CPNE9: variants seen among roughly 807,000 people sequenced by gnomAD.
The protein encoded by CPNE9 is copine family member 9, also known as copine-9.
In CPNE9, 59 loss-of-function variants were observed where a neutral mutation model predicts 83.0. The observed-to-expected ratio is 0.71, with a 90% CI of 0.58 to 0.88. CPNE9 has a LOEUF of 0.88. Among genes scored for constraint, CPNE9 ranks in the 40% least tolerant of loss-of-function variants. The pLI, the probability that CPNE9 is intolerant of heterozygous loss-of-function variation, is 0.00. For missense variants in CPNE9, 619 were observed against 720.8 expected (o/e 0.86, Z 1.62); for synonymous variants, 256 against 273.4 (o/e 0.94, Z 0.63).
chr3:9,715,589 G>A, intron 13 of CPNE9, 63 bp downstream of exon 13: 2 of 1,404,288 alleles, frequency 1.4e-6, no homozygotes, highest in Non-Finnish European at 2.0e-6. Context: ...CATTGACACA[G>A]CATGGCAAAT....
intron 16 of CPNE9, 37 bp downstream of exon 16, chr3:9,718,247 G>A (rs1054791002): frequency 1.3e-6 from 2 of 1,557,884 alleles, no homozygotes; most frequent in Admixed American, 1.9e-5. Context: ...CCGTGCCCTG[G>A]CATCTGGTTC....
At chr3:9,727,246 G>A in intron 20 of CPNE9, 60 bp downstream of exon 20, 1 of 1,572,354 alleles carries the variant, frequency 6.4e-7, no homozygotes, top group African/African-American at 1.3e-5. Flanking sequence ...AGGCTAAGTT[G>A]GGAGCCACTT....
At chr3:9,711,198 G>T (rs1274733868) in intron 7 of CPNE9, among the ~76,000 whole-genome samples, 1 of 152,004 alleles carries the variant, frequency 6.6e-6, no homozygotes, top group African/African-American at 2.4e-5. Flanking sequence ...GGATGTGCAA[G>T]CGAATTATTT....
chr3:9,707,885 C>T (rs1340419063), intron 7 of CPNE9, among the ~76,000 whole-genome samples: 1 of 150,172 alleles, frequency 6.7e-6, no homozygotes, highest in Non-Finnish European at 1.5e-5. Flanking sequence ...GTTTTATAAA[C>T]ATATAAAATG....
intron 17 of CPNE9, among the ~76,000 whole-genome samples, chr3:9,722,554 A>G (rs1399109101): frequency 1.3e-5 from 2 of 151,836 alleles, no homozygotes; most frequent in African/African-American, 2.4e-5. Context: ...TGTGTCACTC[A>G]GGCTGGAGTG....
At chr3:9,729,194 G>T (rs1175660298) in intron 20 of CPNE9, among the ~76,000 whole-genome samples, 1 of 152,186 alleles carries the variant, frequency 6.6e-6, no homozygotes, top group Non-Finnish European at 1.5e-5. Flanking sequence ...CTAAAGAGAA[G>T]TCAAGCAAGA....
rs550668749 is a variant in CPNE9 at position 9,717,910 on chromosome 3, G to A, written c.932-119G>A. 44 of 770,366 alleles carry A rather than the reference G, an allele frequency of 5.7e-5. No homozygotes were observed. The South Asian group carries it at 7.7e-4, about 14-fold the overall frequency. The allele number at this position is 770,366 out of a possible 1,614,324, so 47.7% of individuals were successfully genotyped here. A position where few individuals can be genotyped will look rare whatever the true frequency, so the allele number is the denominator to read the frequency against. On this transcript the variant is annotated intron_variant, in intron 15 of 20. Transcript: ENST00000383832. ...TGGATGATTGGGTAAAATAAGGAGG[G>A]AGGACATGGGTAGAGGGCAGATAAA...
intron 17 of CPNE9, among the ~76,000 whole-genome samples, chr3:9,721,504 G>A (rs2076733483): frequency 6.6e-6 from 1 of 152,130 alleles, no homozygotes; most frequent in African/African-American, 2.4e-5. Context: ...CCCACTTAGA[G>A]GAGCAGACAG....
rs1054979064 is a variant in CPNE9, at chr3:9,729,874, C to A, written c.*182C>A. ...GCCTGGCACTATCACCACCTCTCTG[C>A]CTTCATGCCAATAATAAAGCTGATC... On this transcript the variant is annotated 3_prime_UTR_variant, in exon 21 of 21. Coordinates refer to ENST00000383832, the MANE Select transcript of CPNE9 (RefSeq NM_153635.3). 14 of 741,096 alleles carry A rather than the reference C, an allele frequency of 1.9e-5. No homozygotes were observed. The highest frequency in any genetic ancestry group is 2.7e-5 in the Non-Finnish European group (13 of 485,854). 45.9% of individuals were successfully genotyped at this position (741,096 alleles called of 1,614,324 possible). A position where few individuals can be genotyped will look rare whatever the true frequency, so the allele number is the denominator to read the frequency against.
chr3:9,709,972 A>G (rs1211951573), intron 7 of CPNE9, among the ~76,000 whole-genome samples: 2 of 150,866 alleles, frequency 1.3e-5, no homozygotes, highest in Non-Finnish European at 3.0e-5. Flanking sequence ...CCTGGGCGAC[A>G]AAGCAAGACT....
At position 9,726,094 on chromosome 3, in the gene CPNE9, A is replaced by G. The variant is rs1369809099; in HGVS notation, c.1344+43A>G. On this transcript the variant is annotated intron_variant, in intron 18 of 20. Transcript: ENST00000383832. The stretch of plus-strand genomic sequence containing the variant: ...GGCTTGGCAGGGAGGAGTAATGTCA[A>G]TACTGTGAAGGGGCTGAGATTTTAT... 3.3e-5 allele frequency: 42 copies of G among 1,271,398 alleles called. No homozygotes were observed. The Admixed American group carries it at 8.8e-4, about 26-fold the overall frequency. The allele number at this position is 1,271,398 out of a possible 1,614,324, so 78.8% of individuals were successfully genotyped here. A position where few individuals can be genotyped will look rare whatever the true frequency, so the allele number is the denominator to read the frequency against.
At chr3:9,713,416 G>C (rs968485387) in intron 10 of CPNE9, among the ~76,000 whole-genome samples, 1 of 152,170 alleles carries the variant, frequency 6.6e-6, no homozygotes, top group African/African-American at 2.4e-5. Flanking sequence ...ATATATGAGT[G>C]AATTGATGGG....
Position 9,712,957 on chromosome 3 carries a change from C to A in CPNE9, c.546-18C>A. 1 of 1,606,816 alleles carries A rather than the reference C, an allele frequency of 6.2e-7. No homozygotes were observed. Among genetic ancestry groups the A allele is most frequent in the Non-Finnish European group, 8.5e-7 (1 of 1,173,360 alleles). On this transcript the variant is annotated intron_variant, in intron 9 of 20. Transcript: ENST00000383832. ...GGGCACGAGATAAATTATACCAATT[C>A]TTCCCACTCCCCTCCAGGTTCACCA...
At chr3:9,727,923 G>A (rs2076798313) in intron 20 of CPNE9, among the ~76,000 whole-genome samples, 2 of 152,136 alleles carry the variant, frequency 1.3e-5, no homozygotes, top group Admixed American at 1.3e-4. Context: ...GAAAGTGGCA[G>A]GTTCAAAAGA....
chr3:9,728,829 A>G (rs962481323), intron 20 of CPNE9, among the ~76,000 whole-genome samples: 5 of 150,352 alleles, frequency 3.3e-5, no homozygotes, highest in Admixed American at 6.6e-5. Context: ...CCCTTCTCAC[A>G]GACTCCTCCT....
chr3:9,727,494 G>A, intron 20 of CPNE9: 1 of 698,990 alleles, frequency 1.4e-6, no homozygotes. Context: ...AATAGCAAAT[G>A]CCACTGTGAG....
intron 7 of CPNE9, among the ~76,000 whole-genome samples, chr3:9,708,115 T>A (rs1354843058): frequency 6.6e-6 from 1 of 152,154 alleles, no homozygotes; most frequent in Non-Finnish European, 1.5e-5. Flanking sequence ...CCCAGCTAAT[T>A]TTTAAATTAT....
rs1213979191 is a variant in CPNE9 at position 9,712,526 on chromosome 3, T to C, written c.378-15T>C. 6.2e-7 allele frequency: 1 copy of C among 1,612,796 alleles called. No individual in the cohort carries two copies. Among genetic ancestry groups the C allele is most frequent in the Non-Finnish European group, 8.5e-7 (1 of 1,178,796 alleles). On this transcript the variant is annotated splice_polypyrimidine_tract_variant and intron_variant, in intron 7 of 20. Transcript: ENST00000383832. The stretch of plus-strand genomic sequence containing the variant: ...ACCCTCCCTCCTCTCACTAAGAGGC[T>C]TTTTCTGCTTCCAGGGGTGTACCAG...
At position 9,718,597 on chromosome 3, in the gene CPNE9, G is replaced by A; in HGVS notation, c.1236G>A (p.Val412=). The change falls in exon 17 of 21, where the codon GTG becomes GTA. Residue 412 remains valine (V), a synonymous_variant. Coordinates refer to ENST00000383832, the MANE Select transcript of CPNE9 (RefSeq NM_153635.3). ...ACTTTGCTCCTGTCATCAACCAAGT[G>A]GCCAGGTAAGGGAACTGGGTGGAAG... is the stretch of plus-strand genomic sequence containing the variant. ...PTYFAPVINQ[V]ARAAAKISDG... The A allele has an allele frequency of 6.2e-7, 1 of 1,612,498 alleles. No individual in the cohort carries two copies. The highest frequency in any genetic ancestry group is 1.1e-5 in the South Asian group (1 of 91,042).
Sources: allele counts gnomAD v4.1 joint callset (sites outside exome capture counted in the v4.1 genomes callset), GRCh38; gene constraint gnomAD v4.1.1; transcripts MANE v1.5; gene names NCBI Gene and HGNC (gene_info 2026-07-23, HGNC 2026-07-21).